Variants in SMAD4 observed in about 807,000 individuals in gnomAD.
The protein encoded by SMAD4 is MAD homolog 4.
Under a neutral mutation model 63.2 loss-of-function variants are expected in SMAD4, and 7 were observed. The ratio of observed to expected loss-of-function variants is 0.11; its 90% CI spans 0.06 to 0.21. The LOEUF is 0.21. Among genes scored for constraint, SMAD4 ranks in the 10% least tolerant of loss-of-function variants. The pLI is 1.00. For missense variants in SMAD4, 312 were observed against 693.8 expected (o/e 0.45, Z 6.18); for synonymous variants, 215 against 235.4 (o/e 0.91, Z 0.79).
rs1247447034 is a variant in SMAD4 at position 51,079,366 on chromosome 18, G to A, written c.*899G>A. On this transcript the variant is annotated 3_prime_UTR_variant, in exon 12 of 12. Coordinates refer to ENST00000342988, the MANE Select transcript of SMAD4 (RefSeq NM_005359.6). Reference sequence around the variant, plus strand: ...GCGTCACTCTACCTAATGTCTCACTGTTCTGCAAAGGTGGCAATGCTTAAA... The same window carrying A: ...GCGTCACTCTACCTAATGTCTCACTATTCTGCAAAGGTGGCAATGCTTAAA... 4.3e-6 allele frequency: 1 copy of A among 233,268 alleles called. No individual in the cohort carries two copies. The highest frequency in any genetic ancestry group is 2.2e-5 in the African/African-American group (1 of 45,328). The allele number at this position is 233,268 out of a possible 1,614,324, so 14.4% of individuals were successfully genotyped here.
rs1377410069 is a variant in SMAD4 at position 51,038,258 on chromosome 18, G to GC, written c.-128+7635_-128+7636insC. 6.7e-5 allele frequency among the ~76,000 whole-genome samples: 10 copies of GC among 150,158 alleles called. No homozygotes were observed. The South Asian group carries it at 1.6e-3, about 24-fold the overall frequency. Reference sequence around the variant, plus strand: ...GGCTACAGAGCGAGACTGTGGGGGGGGGGGCAGTATGAGGAAGTGTGTCAA... The same window carrying GC: ...GGCTACAGAGCGAGACTGTGGGGGGGCGGGGCAGTATGAGGAAGTGTGTCAA... On this transcript the variant is annotated intron_variant, in intron 1 of 11. Transcript: ENST00000342988.
At chr18:51,065,831 G>T (rs1910135087) in intron 9 of SMAD4, among the ~76,000 whole-genome samples, 1 of 151,972 alleles carries the variant, frequency 6.6e-6, no homozygotes, top group South Asian at 2.1e-4. Flanking sequence ...ATGTTAGTAG[G>T]TTTCTATGTT....
At chr18:51,031,476 A>G (rs1909048960) in intron 1 of SMAD4, among the ~76,000 whole-genome samples, 1 of 152,132 alleles carries the variant, frequency 6.6e-6, no homozygotes, top group Non-Finnish European at 1.5e-5. Context: ...TTTATTTCCC[A>G]ATTAGTTTCT....
At chr18:51,069,132 T>A (rs1276892075) in intron 10 of SMAD4, among the ~76,000 whole-genome samples, 1 of 152,202 alleles carries the variant, frequency 6.6e-6, no homozygotes, top group African/African-American at 2.4e-5. Context: ...TATTATTATT[T>A]TTGAGACAGA....
Position 51,065,647 on chromosome 18 carries a change from G to T in SMAD4, c.1139+41G>T. 2.0e-6 allele frequency: 3 copies of T among 1,518,016 alleles called. No homozygotes were observed. In the Middle Eastern group the frequency reaches 5.1e-4, roughly 260 times the overall value. 94.0% of individuals were successfully genotyped at this position (1,518,016 alleles called of 1,614,324 possible). A position where few individuals can be genotyped will look rare whatever the true frequency, so the allele number is the denominator to read the frequency against. Reference sequence around the variant, plus strand: ...TCAGATAGTTACTTTAAAAAATTGAGCATAGTACATTGTCTTTTATTCAAG... The same window carrying T: ...TCAGATAGTTACTTTAAAAAATTGATCATAGTACATTGTCTTTTATTCAAG... On this transcript the variant is annotated intron_variant, in intron 9 of 11. Coordinates refer to ENST00000342988, the MANE Select transcript of SMAD4 (RefSeq NM_005359.6).
intron 9 of SMAD4, 183 bp from the exon 10 acceptor site, chr18:51,066,836 A>G: frequency 1.7e-6 from 1 of 580,502 alleles, no homozygotes; most frequent in East Asian, 3.0e-5. Flanking sequence ...AAATATGTGC[A>G]TCATTATTAG....
At position 51,078,536 on chromosome 18, in the gene SMAD4, T is replaced by C. The variant is rs1910530683; in HGVS notation, c.*69T>C. 3 of 1,071,688 alleles carry C rather than the reference T, an allele frequency of 2.8e-6. No individual in the cohort carries two copies. The highest frequency in any genetic ancestry group is 2.0e-5 in the Admixed American group (1 of 50,268). The allele number at this position is 1,071,688 out of a possible 1,614,324, so 66.4% of individuals were successfully genotyped here. On this transcript the variant is annotated 3_prime_UTR_variant, in exon 12 of 12. Transcript: ENST00000342988. ...CTACAAAATACAATCCTGTTTATAATCTGAAGATATATTTCACTTTTGTTC... is the reference window on the plus strand; with the variant it reads ...CTACAAAATACAATCCTGTTTATAACCTGAAGATATATTTCACTTTTGTTC...
At chr18:51,049,886 T>C (rs1409456020) in intron 4 of SMAD4, among the ~76,000 whole-genome samples, 1 of 152,224 alleles carries the variant, frequency 6.6e-6, no homozygotes, top group African/African-American at 2.4e-5. Flanking sequence ...TACCTAATTG[T>C]ATTTTTAAAA....
intron 7 of SMAD4, among the ~76,000 whole-genome samples, chr18:51,058,700 C>A (rs901131379): frequency 3.0e-4 from 46 of 152,122 alleles, no homozygotes; most frequent in African/African-American, 1.1e-3. Context: ...ATTAACATCA[C>A]ATTGATTTCC....
rs200973136 is a variant in SMAD4, at chr18:51,058,470, T to C, written c.904+14T>C. The C allele has an allele frequency of 3.3e-5, 53 of 1,592,336 alleles. No individual in the cohort carries two copies. The African/African-American group carries it at 6.5e-4, about 20-fold the overall frequency. On this transcript the variant is annotated intron_variant, in intron 7 of 11. Coordinates refer to ENST00000342988, the MANE Select transcript of SMAD4 (RefSeq NM_005359.6). ...CCGGACATTACTGTAAGCTCTTGTT[T>C]TTGTTGTAAGGGCTATTTTTTTTTT...
chr18:51,041,471 C>T (rs777447008), intron 1 of SMAD4, among the ~76,000 whole-genome samples: 9 of 152,282 alleles, frequency 5.9e-5, no homozygotes, highest in Non-Finnish European at 8.8e-5. Flanking sequence ...ATTTATTTTG[C>T]GTGTTGTCCA....
rs1191350035 is a variant in SMAD4, at chr18:51,084,040, A to ACACACC, written c.*5577_*5578insCCCACA. The ACACACC allele has an allele frequency of 9.0e-5, 20 of 222,064 alleles. No individual in the cohort carries two copies. In the Admixed American group the frequency reaches 1.1e-3, roughly 12 times the overall value. The allele number at this position is 222,064 out of a possible 1,614,324, so 13.8% of individuals were successfully genotyped here. On this transcript the variant is annotated 3_prime_UTR_variant, in exon 12 of 12. Coordinates refer to ENST00000342988, the MANE Select transcript of SMAD4 (RefSeq NM_005359.6). Reference sequence around the variant, plus strand: ...CACACACACACACACACACACACACACACAGGTCAGAGTTTAAGGCTTTCG... The same window carrying ACACACC: ...CACACACACACACACACACACACACACACACCCACAGGTCAGAGTTTAAGGCTTTCG...
chr18:51,058,047 T>C, intron 5 of SMAD4, 78 bp from the exon 6 acceptor site: 2 of 1,534,810 alleles, frequency 1.3e-6, no homozygotes, highest in Non-Finnish European at 1.8e-6. Context: ...TCAGATAAAA[T>C]TGGTCCTTCA....
rs181250637 is a variant in SMAD4 at position 51,084,476 on chromosome 18, G to C, written c.*6009G>C. The C allele has an allele frequency of 8.5e-4, 187 of 220,940 alleles. 1 individual carries two copies. The highest frequency in any genetic ancestry group is 8.3e-3 in the Middle Eastern group (6 of 720). 13.7% of individuals were successfully genotyped at this position (220,940 alleles called of 1,614,324 possible). On this transcript the variant is annotated 3_prime_UTR_variant, in exon 12 of 12. Transcript: ENST00000342988. ...AATTAATGAAATTCATATTTTCAAG[G>C]ACCTGGGAGCCTTCCTTGGGGCTGG...
At chr18:51,066,771 G>T (rs1910169904) in intron 9 of SMAD4, 1 of 445,318 alleles carries the variant, frequency 2.2e-6, no homozygotes, top group Admixed American at 3.5e-5. Flanking sequence ...TTGTTGAGTT[G>T]TAAGGGTTTA....
chr18:51,065,301 C>T (rs1910116794), intron 8 of SMAD4, 122 bp from the exon 9 acceptor site: 4 of 787,502 alleles, frequency 5.1e-6, no homozygotes, highest in Non-Finnish European at 6.8e-6. Context: ...GTTTTGGGTG[C>T]ATTACATTTC....
At chr18:51,059,970 G>A (rs1909962707) in intron 8 of SMAD4, 54 bp downstream of exon 8, 1 of 1,336,800 alleles carries the variant, frequency 7.5e-7, no homozygotes, top group Non-Finnish European at 1.1e-6. Flanking sequence ...AGTGGTGATT[G>A]AAACGCACAA....
chr18:51,034,303 A>G (rs909137530), intron 1 of SMAD4, among the ~76,000 whole-genome samples: 20 of 149,888 alleles, frequency 1.3e-4, no homozygotes, highest in Admixed American at 1.1e-3. Flanking sequence ...CTAGAGTGCA[A>G]TGGTACGATT....
chr18:51,065,024 A>G (rs1910110075), intron 8 of SMAD4, among the ~76,000 whole-genome samples: 2 of 152,242 alleles, frequency 1.3e-5, no homozygotes, highest in African/African-American at 2.4e-5. Context: ...CATAGAGAAT[A>G]TGTGTAGTCA....
Sources: gnomAD v4.1 joint callset for allele counts (sites outside exome capture counted in the v4.1 genomes callset) on GRCh38, gnomAD v4.1.1 for gene constraint, MANE v1.5 for transcripts, NCBI Gene and HGNC (gene_info 2026-07-23, HGNC 2026-07-21) for gene names.